The following HHIPL2 variants were observed in gnomAD, a reference collection of about 807,000 sequenced individuals.
HHIPL2 encodes the protein HHIP like 2.
HHIPL2 carries 61 observed loss-of-function variants against 61.0 expected under a neutral mutation model. That is an observed-to-expected ratio of 1.00 (90% confidence interval 0.81 to 1.24). The LOEUF (loss-of-function observed/expected upper bound fraction) is 1.24. Ranked by LOEUF, HHIPL2 falls within the 50% of genes most tolerant of loss-of-function variation. The probability of loss-of-function intolerance (pLI) is 0.00; values close to 1 mark genes in which losing one functional copy is unlikely to be tolerated. For missense variants in HHIPL2, 885 were observed against 910.2 expected (o/e 0.97, Z 0.36); for synonymous variants, 343 against 357.4 (o/e 0.96, Z 0.45).
chr1:222,546,421 GAAGA>G (rs1340712584), intron 1 of HHIPL2, among the ~76,000 whole-genome samples: 1 of 152,196 alleles, frequency 6.6e-6, no homozygotes, highest in East Asian at 1.9e-4. Context: ...ATACGTTGGG[GAAGA>G]AAGAGGACCT....
In HHIPL2 at chr1:222,544,019, G is replaced by A. The variant is rs1659500542; in HGVS notation, c.492C>T (p.Asp164=). 4 of 1,613,946 alleles carry A rather than the reference G, an allele frequency of 2.5e-6. No homozygotes were observed. Among genetic ancestry groups the A allele is most frequent in the African/African-American group, 1.3e-5 (1 of 74,846 alleles). Reference sequence around the variant, plus strand: ...CCAGGAGGTGGCAGAAGCGGGTACCGTCCCTTCCATGAGACTCCTGGAGGC... The same window carrying A: ...CCAGGAGGTGGCAGAAGCGGGTACCATCCCTTCCATGAGACTCCTGGAGGC... The part of the protein sequence containing the change: ...DRGLQESHGR[D]GTRFCHLLDL... Residue 164 remains aspartate (D), a synonymous_variant, in exon 2 of 9, where the codon GAC becomes GAT. Transcript: ENST00000343410.
intron 2 of HHIPL2, 117 bp from the exon 3 acceptor site, chr1:222,542,272 C>A: frequency 8.4e-7 from 1 of 1,193,268 alleles, no homozygotes; most frequent in African/African-American, 1.6e-5. Flanking sequence ...CCAGCCAAGA[C>A]CTGCTTCTGA....
chr1:222,540,074 A>C lies in HHIPL2; in HGVS notation c.1386T>G (p.Tyr462Ter), dbSNP rs1260100569. 2.5e-6 allele frequency: 4 copies of C among 1,614,140 alleles called. No individual in the cohort carries two copies. The African/African-American group carries it at 5.3e-5, about 22-fold the overall frequency. The stretch of plus-strand genomic sequence containing the variant: ...CAAACCCTTCCTTTGCTCTCCAGCC[A>C]TAGTTTCCACCTTTCAAAATGAGGT... ...EVDLILKGGN[Y>*]GWRAKEGFAC... Residue 462 changes from tyrosine (Y) to a stop codon, truncating the protein, a stop_gained, in exon 4 of 9, where the codon TAT becomes TAG. Transcript: ENST00000343410. LOFTEE classifies it high-confidence loss of function.
intron 6 of HHIPL2, among the ~76,000 whole-genome samples, chr1:222,528,122 G>A (rs989391640): frequency 5.3e-5 from 8 of 152,108 alleles, no homozygotes; most frequent in African/African-American, 1.9e-4. Flanking sequence ...TATTTGTGAG[G>A]GACATTATGC....
chr1:222,532,128 C>A lies in HHIPL2; in HGVS notation c.1578-17G>T, dbSNP rs370282193. The A allele has an allele frequency of 2.5e-6, 4 of 1,605,090 alleles. No homozygotes were observed. In the African/African-American group the frequency reaches 4.0e-5, roughly 16 times the overall value. On this transcript the variant is annotated splice_polypyrimidine_tract_variant and intron_variant, in intron 5 of 8. Transcript: ENST00000343410. ...ATAAGTCGACTAGACAAAAAATAAA[C>A]CCTTATGTTTAGGAATCCATATATC...
chr1:222,536,630 C>G (rs998934475), intron 5 of HHIPL2, among the ~76,000 whole-genome samples: 2 of 152,136 alleles, frequency 1.3e-5, no homozygotes, highest in African/African-American at 4.8e-5. Flanking sequence ...TTCTGTAAAG[C>G]CTGTTTACCC....
At chr1:222,531,387 G>C (rs766386926) in intron 6 of HHIPL2, among the ~76,000 whole-genome samples, 40 of 152,288 alleles carry the variant, frequency 2.6e-4, no homozygotes, top group Admixed American at 9.2e-4. Flanking sequence ...TGAGTTGTGT[G>C]GTTCAATCAG....
At position 222,543,984 on chromosome 1, in the gene HHIPL2, T is replaced by G; in HGVS notation, c.527A>C (p.Asp176Ala). 6.2e-7 allele frequency: 1 copy of G among 1,614,102 alleles called. No individual in the cohort carries two copies. The highest frequency in any genetic ancestry group is 8.5e-7 in the Non-Finnish European group (1 of 1,180,012). Residue 176 changes from aspartate (D) to alanine (A), a missense_variant, in exon 2 of 9, where the codon GAC becomes GCC. Physicochemically the swap from Asp to Ala is moderately radical, Grantham distance 126. Coordinates refer to ENST00000343410, the MANE Select transcript of HHIPL2 (RefSeq NM_024746.4). Reference sequence around the variant, plus strand: ...GACATTAGGGAAGCAATAGTCCTTGTCAGGAAGGTCCAGGAGGTGGCAGAA... The same window carrying G: ...GACATTAGGGAAGCAATAGTCCTTGGCAGGAAGGTCCAGGAGGTGGCAGAA... ...TRFCHLLDLP[D>A]KDYCFPNVLR...
chr1:222,532,386 G>C (rs1021835552), intron 5 of HHIPL2, among the ~76,000 whole-genome samples: 7 of 152,170 alleles, frequency 4.6e-5, no homozygotes, highest in African/African-American at 1.4e-4. Context: ...GACAAGGCAG[G>C]CAGATCACTT....
intron 1 of HHIPL2, among the ~76,000 whole-genome samples, chr1:222,546,104 T>C (rs1659551670): frequency 6.6e-6 from 1 of 152,104 alleles, no homozygotes; most frequent in African/African-American, 2.4e-5. Context: ...GTTGAGTCTG[T>C]CTTACGTGCC....
Position 222,543,931 on chromosome 1 carries a change from G to A in HHIPL2, c.580C>T (p.Leu194=), listed in dbSNP as rs768800754. The A allele has an allele frequency of 6.2e-7, 1 of 1,614,222 alleles. No individual in the cohort carries two copies. Among genetic ancestry groups the A allele is most frequent in the Non-Finnish European group, 8.5e-7 (1 of 1,180,040 alleles). The stretch of plus-strand genomic sequence containing the variant: ...TGAGGATCTTGGGCCACCATGCCCA[G>A]GTGGCGGTTGAGATAGTCGTTCCTC... ...VLRNDYLNRH[L]GMVAQDPQGC... Residue 194 remains leucine (L), a synonymous_variant, in exon 2 of 9, where the codon CTG becomes TTG. Coordinates refer to ENST00000343410, the MANE Select transcript of HHIPL2 (RefSeq NM_024746.4).
chr1:222,533,801 C>T (rs985214048), intron 5 of HHIPL2, among the ~76,000 whole-genome samples: 3 of 152,138 alleles, frequency 2.0e-5, no homozygotes, highest in Admixed American at 6.5e-5. Flanking sequence ...CAAAGCCCAG[C>T]AGGCTCCTTG....
chr1:222,538,647 C>G lies in HHIPL2; in HGVS notation c.1577+1G>C, dbSNP rs755075455. The G allele has an allele frequency of 1.9e-6, 3 of 1,612,838 alleles. No homozygotes were observed. The highest frequency in any genetic ancestry group is 2.5e-6 in the Non-Finnish European group (3 of 1,179,078). ...GAGAAGGGACATCAGTCCTTCCTTA[C>G]CCACTCATGAAGTCTCCAAAGATAT... On this transcript the variant is annotated splice_donor_variant, in intron 5 of 8. Transcript: ENST00000343410. LOFTEE classifies it high-confidence loss of function.
At chr1:222,534,681 C>T (rs1659265419) in intron 5 of HHIPL2, among the ~76,000 whole-genome samples, 2 of 151,334 alleles carry the variant, frequency 1.3e-5, no homozygotes, top group South Asian at 4.2e-4. Context: ...CACACACACA[C>T]ACACACACAC....
intron 3 of HHIPL2, among the ~76,000 whole-genome samples, chr1:222,540,739 G>A (rs921928196): frequency 2.6e-5 from 4 of 152,160 alleles, no homozygotes; most frequent in African/African-American, 9.7e-5. Context: ...ATTTAACAAC[G>A]TGGTCAGTTA....
intron 5 of HHIPL2, among the ~76,000 whole-genome samples, chr1:222,536,922 C>G (rs926906178): frequency 6.6e-6 from 1 of 151,916 alleles, no homozygotes; most frequent in African/African-American, 2.4e-5. Context: ...CTGGGTGCCA[C>G]AAGCTACTGG....
chr1:222,525,343 C>T (rs1659040040), intron 7 of HHIPL2: 1 of 152,268 alleles, frequency 6.6e-6, no homozygotes, highest in South Asian at 2.1e-4. Context: ...ATCCCCTAAA[C>T]CCAGGAGAAG....
At chr1:222,526,893 G>T in intron 7 of HHIPL2, 76 bp downstream of exon 7, 1 of 1,190,780 alleles carries the variant, frequency 8.4e-7, no homozygotes, top group Non-Finnish European at 1.2e-6. Context: ...GGACAATGAG[G>T]ACTGTTTTTA....
chr1:222,542,120 T>C lies in HHIPL2; in HGVS notation c.1010A>G (p.His337Arg). The change falls in exon 3 of 9, where the codon CAT becomes CGT. Residue 337 changes from histidine (H) to arginine (R), a missense_variant. Transcript: ENST00000343410. ...GCCAAAAAGAAGTTGTCCGCCATTA[T>C]GGTTTGAGGCTGGTTCTTCAATCTC... ...ILEIEEPASNHNGGQLLFGLD... is the reference protein window; with the variant it reads ...ILEIEEPASNRNGGQLLFGLD... 1 of 1,614,126 alleles carries C rather than the reference T, an allele frequency of 6.2e-7. No homozygotes were observed. The highest frequency in any genetic ancestry group is 2.2e-5 in the East Asian group (1 of 44,880).
Sources: allele counts gnomAD v4.1 joint callset (sites outside exome capture counted in the v4.1 genomes callset), GRCh38; gene constraint gnomAD v4.1.1; transcripts MANE v1.5; gene names NCBI Gene and HGNC (gene_info 2026-07-23, HGNC 2026-07-21).